The following GDPD1 variants were observed in gnomAD, a reference collection of about 807,000 sequenced individuals.
GDPD1 encodes the protein glycerophosphodiester phosphodiesterase domain containing 1.
Under a neutral mutation model 45.1 loss-of-function variants are expected in GDPD1, and 28 were observed. The ratio of observed to expected loss-of-function variants is 0.62; its 90% CI spans 0.46 to 0.85. The LOEUF is 0.85. Among genes scored for constraint, GDPD1 ranks in the 40% least tolerant of loss-of-function variants. The pLI is 0.00. For missense variants in GDPD1, 256 were observed against 364.8 expected (o/e 0.70, Z 2.43); for synonymous variants, 139 against 131.4 (o/e 1.06, Z -0.40).
chr17:59,227,746 G>A (rs1307105733), intron 1 of GDPD1, among the ~76,000 whole-genome samples: 3 of 152,042 alleles, frequency 2.0e-5, no homozygotes, highest in Admixed American at 6.6e-5. Context: ...ATACTGTTAA[G>A]AAAGAGACCT....
At chr17:59,255,571 G>A (rs566646142) in intron 4 of GDPD1, among the ~76,000 whole-genome samples, 1 of 147,646 alleles carries the variant, frequency 6.8e-6, no homozygotes, top group African/African-American at 2.5e-5. Context: ...GTGAAACCCT[G>A]CCTCTACTAA....
intron 2 of GDPD1, among the ~76,000 whole-genome samples, chr17:59,238,049 A>G (rs2047147098): frequency 6.6e-6 from 1 of 150,934 alleles, no homozygotes; most frequent in East Asian, 2.0e-4. Context: ...CGGGTGGATC[A>G]CCTGAGGTCG....
At chr17:59,262,163 G>A (rs1396581359) in intron 6 of GDPD1, among the ~76,000 whole-genome samples, 2 of 151,514 alleles carry the variant, frequency 1.3e-5, no homozygotes, top group African/African-American at 4.9e-5. Flanking sequence ...CTCGTGATCC[G>A]CCCGCCTCGG....
At chr17:59,271,608 A>G (rs527701274) in intron 8 of GDPD1, among the ~76,000 whole-genome samples, 128 of 78,954 alleles carry the variant, frequency 1.6e-3, no homozygotes, top group African/African-American at 9.5e-3. Flanking sequence ...TTTTCTTCTT[A>G]TTTTATTTTA....
At chr17:59,237,096 A>G (rs931901643) in intron 2 of GDPD1, among the ~76,000 whole-genome samples, 12 of 151,914 alleles carry the variant, frequency 7.9e-5, no homozygotes, top group African/African-American at 2.4e-4. Flanking sequence ...ACAAGAAAAG[A>G]CTGTTTAAAC....
intron 6 of GDPD1, among the ~76,000 whole-genome samples, chr17:59,260,200 A>T (rs997092053): frequency 6.6e-6 from 1 of 151,794 alleles, no homozygotes; most frequent in African/African-American, 2.4e-5. Context: ...ATTAAGCAAG[A>T]TATAAAAGCA....
chr17:59,221,283 C>T lies in GDPD1; in HGVS notation c.142+532C>T, dbSNP rs202149053. On this transcript the variant is annotated intron_variant, in intron 1 of 9. Coordinates refer to ENST00000284116, the MANE Select transcript of GDPD1 (RefSeq NM_182569.4). ...GGGGGCCCGTCCCACCCCCACGTTCCGAGCACTCATAATTGAGAAGAGAGG... is the reference window on the plus strand; with the variant it reads ...GGGGGCCCGTCCCACCCCCACGTTCTGAGCACTCATAATTGAGAAGAGAGG... Among the ~76,000 whole-genome samples, 23 of 152,040 alleles carry T rather than the reference C, an allele frequency of 1.5e-4. No homozygotes were observed. In the East Asian group the frequency reaches 4.5e-3, roughly 30 times the overall value.
At chr17:59,227,265 A>T (rs1351079396) in intron 1 of GDPD1, among the ~76,000 whole-genome samples, 1 of 151,940 alleles carries the variant, frequency 6.6e-6, no homozygotes, top group Admixed American at 6.6e-5. Context: ...CTAAAAATAC[A>T]AAAATTATCT....
At chr17:59,238,535 T>A (rs1344293623) in intron 2 of GDPD1, among the ~76,000 whole-genome samples, 1 of 151,524 alleles carries the variant, frequency 6.6e-6, no homozygotes, top group Non-Finnish European at 1.5e-5. Flanking sequence ...TGCCTCAGCC[T>A]CCCGAGTAGC....
chr17:59,275,041 C>T lies in GDPD1; in HGVS notation c.*1268C>T. On this transcript the variant is annotated 3_prime_UTR_variant, in exon 10 of 10. Coordinates refer to ENST00000284116, the MANE Select transcript of GDPD1 (RefSeq NM_182569.4). ...ATTTTTAGTAGAGACAGGGTTTTGCCACGTTGGCCAGACTGGTCTCGAACT... is the reference window on the plus strand; with the variant it reads ...ATTTTTAGTAGAGACAGGGTTTTGCTACGTTGGCCAGACTGGTCTCGAACT... 1 of 767,598 alleles carries T rather than the reference C, an allele frequency of 1.3e-6. No individual in the cohort carries two copies. The highest frequency in any genetic ancestry group is 2.2e-6 in the Non-Finnish European group (1 of 459,828). The allele number at this position is 767,598 out of a possible 1,614,324, so 47.5% of individuals were successfully genotyped here. A position where few individuals can be genotyped will look rare whatever the true frequency, so the allele number is the denominator to read the frequency against.
At chr17:59,228,745 G>T (rs186851933) in intron 1 of GDPD1, among the ~76,000 whole-genome samples, 69 of 151,772 alleles carry the variant, frequency 4.5e-4, no homozygotes, top group African/African-American at 1.6e-3. Flanking sequence ...GCTGAGCATG[G>T]TGGCATGTGC....
At chr17:59,229,450 C>T (rs569007405) in intron 1 of GDPD1, among the ~76,000 whole-genome samples, 1 of 151,824 alleles carries the variant, frequency 6.6e-6, no homozygotes, top group Non-Finnish European at 1.5e-5. Flanking sequence ...GTCTCGAACT[C>T]CTGACCTCAG....
At chr17:59,266,851 A>C (rs1432026671) in intron 6 of GDPD1, among the ~76,000 whole-genome samples, 190 bp from the exon 7 acceptor site, 1 of 152,212 alleles carries the variant, frequency 6.6e-6, no homozygotes, top group Non-Finnish European at 1.5e-5. Context: ...CTCCAAGATC[A>C]ATCCTGACCC....
chr17:59,248,448 G>C (rs556014177), intron 3 of GDPD1, among the ~76,000 whole-genome samples: 1 of 151,106 alleles, frequency 6.6e-6, no homozygotes, highest in East Asian at 1.9e-4. Context: ...ATTTTTCTTT[G>C]GTTTTCATTG....
chr17:59,271,605 C>CTTATTTTATTTTATT lies in GDPD1; in HGVS notation c.770+632_770+646dup, dbSNP rs150984479. 2.7e-5 allele frequency among the ~76,000 whole-genome samples: 4 copies of CTTATTTTATTTTATT among 148,378 alleles called. 1 individual carries two copies. The highest frequency in any genetic ancestry group is 1.0e-4 in the African/African-American group (4 of 39,868). On this transcript the variant is annotated intron_variant, in intron 8 of 9. Coordinates refer to ENST00000284116, the MANE Select transcript of GDPD1 (RefSeq NM_182569.4). ...TTTTTATTATTTAACGCCTTTTCTT[C>CTTATTTTATTTTATT]TTATTTTATTTTATTTTATTTTATT...
At chr17:59,244,964 C>G (rs1597974056) in intron 2 of GDPD1, among the ~76,000 whole-genome samples, 1 of 152,032 alleles carries the variant, frequency 6.6e-6, no homozygotes. Context: ...CCATTGCACT[C>G]CAGCCTGGGC....
At chr17:59,271,605 CTTATT>C (rs150984479) in intron 8 of GDPD1, among the ~76,000 whole-genome samples, 40,809 of 148,288 alleles carry the variant, frequency 0.28, 6,324 homozygotes, top group African/African-American at 0.43. Flanking sequence ...GCCTTTTCTT[CTTATT>C]TTATTTTATT....
At chr17:59,234,103 T>G (rs1327575488) in intron 1 of GDPD1, among the ~76,000 whole-genome samples, 1 of 151,994 alleles carries the variant, frequency 6.6e-6, no homozygotes, top group Admixed American at 6.6e-5. Context: ...ACTTGTACAC[T>G]TTGGGAGGCC....
chr17:59,227,886 A>G (rs755176724), intron 1 of GDPD1, among the ~76,000 whole-genome samples: 1 of 152,142 alleles, frequency 6.6e-6, no homozygotes, highest in Admixed American at 6.6e-5. Context: ...TTAGAATTGA[A>G]TGGCTGGGCA....
Sources: gnomAD v4.1 joint callset for allele counts (sites outside exome capture counted in the v4.1 genomes callset) on GRCh38, gnomAD v4.1.1 for gene constraint, MANE v1.5 for transcripts, NCBI Gene and HGNC (gene_info 2026-07-23, HGNC 2026-07-21) for gene names.